The following FCRL5 variants were observed in gnomAD, a reference collection of about 807,000 sequenced individuals.
FCRL5 encodes the protein Fc receptor like 5, also known as Fc receptor-like protein 5.
In FCRL5, 79 loss-of-function variants were observed where a neutral mutation model predicts 92.1. That is an observed-to-expected ratio of 0.86 (90% confidence interval 0.72 to 1.03). The LOEUF (loss-of-function observed/expected upper bound fraction) is 1.03, where lower values mean the gene tolerates loss of function less well. FCRL5 is among the 50% of genes least tolerant of loss of function. The pLI, the probability that FCRL5 is intolerant of heterozygous loss-of-function variation, is 0.00. For missense variants in FCRL5, 1,160 were observed against 1,181.1 expected (o/e 0.98, Z 0.26); for synonymous variants, 466 against 469.3 (o/e 0.99, Z 0.09).
intron 8 of FCRL5, among the ~76,000 whole-genome samples, chr1:157,530,919 A>T (rs531094084): frequency 3.0e-4 from 46 of 152,366 alleles, no homozygotes; most frequent in African/African-American, 1.0e-3. Context: ...TGTTCTTCTA[A>T]AAGACTGGAC....
At chr1:157,549,930 C>T (rs186546359) in intron 1 of FCRL5, among the ~76,000 whole-genome samples, 2 of 151,890 alleles carry the variant, frequency 1.3e-5, no homozygotes, top group Admixed American at 6.6e-5. Flanking sequence ...GGCCACTAGC[C>T]CAGTGTGTAG....
At chr1:157,552,250 C>A (rs1651854302) in intron 1 of FCRL5, 82 bp downstream of exon 1, 2 of 1,385,896 alleles carry the variant, frequency 1.4e-6, no homozygotes, top group South Asian at 1.2e-5. Flanking sequence ...AGGGGCTGAG[C>A]CCCAAGAAAG....
At position 157,545,089 on chromosome 1, in the gene FCRL5, G is replaced by T; in HGVS notation, c.308-7C>A. ...GCTTGCAGGATCAGCGAAGCTATGA[G>T]AAACACAATAGAGTTATTTGGTTCA... On this transcript the variant is annotated splice_region_variant and splice_polypyrimidine_tract_variant and intron_variant, in intron 3 of 16. Transcript: ENST00000361835. 6.2e-7 allele frequency: 1 copy of T among 1,611,566 alleles called. No individual in the cohort carries two copies. The highest frequency in any genetic ancestry group is 8.5e-7 in the Non-Finnish European group (1 of 1,179,882).
rs536094610 is a variant in FCRL5 at position 157,522,991 on chromosome 1, C to G, written c.2239+1288G>C. On this transcript the variant is annotated intron_variant, in intron 10 of 16. Coordinates refer to ENST00000361835, the MANE Select transcript of FCRL5 (RefSeq NM_031281.3). ...TCAGGAAAATTGGATGAGGTTGGTG[C>G]TGCTGGTGGGGGAAGAAGAACGAGC... Among the ~76,000 whole-genome samples, 3 of 152,236 alleles carry G rather than the reference C, an allele frequency of 2.0e-5. No individual in the cohort carries two copies. The East Asian group carries it at 5.8e-4, about 29-fold the overall frequency.
chr1:157,545,820 G>A (rs1382516843), intron 3 of FCRL5, among the ~76,000 whole-genome samples: 2 of 152,148 alleles, frequency 1.3e-5, no homozygotes, highest in Non-Finnish European at 2.9e-5. Flanking sequence ...AAGCCACCGC[G>A]CCTGGCCAGG....
chr1:157,534,190 A>G (rs1020652751), intron 8 of FCRL5: 1 of 460,836 alleles, frequency 2.2e-6, no homozygotes, highest in Non-Finnish European at 4.1e-6. Flanking sequence ...TTTGTTCACC[A>G]GCAGCTTTCT....
At chr1:157,519,437 G>A (rs1043538159) in intron 13 of FCRL5, among the ~76,000 whole-genome samples, 1 of 152,178 alleles carries the variant, frequency 6.6e-6, no homozygotes, top group African/African-American at 2.4e-5. Context: ...CTCAAGATAT[G>A]GAAAGACTTG....
At chr1:157,546,635 T>G (rs1446551494) in intron 3 of FCRL5, among the ~76,000 whole-genome samples, 1 of 152,192 alleles carries the variant, frequency 6.6e-6, no homozygotes, top group Non-Finnish European at 1.5e-5. Flanking sequence ...CATAGGTAGG[T>G]CCTGAGTATC....
intron 6 of FCRL5, chr1:157,541,707 A>T (rs1292621641): frequency 6.6e-6 from 1 of 152,210 alleles, no homozygotes; most frequent in Non-Finnish European, 1.5e-5. Context: ...CCTCAGGTTG[A>T]TGTTTAATCT....
At chr1:157,548,791 G>A (rs1651675446) in intron 2 of FCRL5, among the ~76,000 whole-genome samples, 2 of 152,192 alleles carry the variant, frequency 1.3e-5, no homozygotes, top group Non-Finnish European at 2.9e-5. Context: ...AACAACAGGT[G>A]CTGGAGAGGA....
chr1:157,534,532 G>A (rs1434802772), intron 8 of FCRL5, 82 bp downstream of exon 8: 1 of 1,529,582 alleles, frequency 6.5e-7, no homozygotes, highest in African/African-American at 1.4e-5. Context: ...GAGGAAACTG[G>A]ACAGTGCAAA....
At chr1:157,526,259 A>G (rs1226818754) in intron 9 of FCRL5, among the ~76,000 whole-genome samples, 2 of 152,210 alleles carry the variant, frequency 1.3e-5, no homozygotes, top group Non-Finnish European at 2.9e-5. Context: ...GAGGATTGAA[A>G]AATGGCCATT....
intron 8 of FCRL5, chr1:157,533,445 G>A (rs1311835690): frequency 1.3e-5 from 2 of 152,036 alleles, no homozygotes; most frequent in African/African-American, 4.8e-5. Context: ...CTTCAAATTG[G>A]TATTTCATTT....
intron 6 of FCRL5, among the ~76,000 whole-genome samples, chr1:157,541,646 T>C (rs546976205): frequency 6.6e-6 from 1 of 152,310 alleles, no homozygotes; most frequent in East Asian, 1.9e-4. Flanking sequence ...ACTTCCCAAC[T>C]CAGATTGGCA....
At chr1:157,538,182 A>G (rs1651063269) in intron 7 of FCRL5, among the ~76,000 whole-genome samples, 2 of 152,116 alleles carry the variant, frequency 1.3e-5, no homozygotes, top group South Asian at 2.1e-4. Context: ...TTCTTTTTCT[A>G]CATCATTTGA....
rs1649814395 is a variant in FCRL5, at chr1:157,513,876, G to C, written c.*1799C>G. On this transcript the variant is annotated 3_prime_UTR_variant, in exon 17 of 17. Transcript: ENST00000361835. The stretch of plus-strand genomic sequence containing the variant: ...TAATCCTGAGCCTATGCTTGCTGCT[G>C]TCCTTCTTGACTTTCAACTAGGCCT... The C allele has an allele frequency of 6.6e-6, 1 of 152,214 alleles. No individual in the cohort carries two copies. Among genetic ancestry groups the C allele is most frequent in the Non-Finnish European group, 1.5e-5 (1 of 68,076 alleles). The allele number at this position is 152,214 out of a possible 1,614,324, so 9.4% of individuals were successfully genotyped here. A position where few individuals can be genotyped will look rare whatever the true frequency, so the allele number is the denominator to read the frequency against.
In FCRL5 at chr1:157,521,393, G is replaced by C; in HGVS notation, c.2240-101C>G. ...ATGTAAAAAGTCATATCTCAATCTTGGAAAGTAGATTAAAACATAGATGAT... is the reference window on the plus strand; with the variant it reads ...ATGTAAAAAGTCATATCTCAATCTTCGAAAGTAGATTAAAACATAGATGAT... On this transcript the variant is annotated intron_variant, in intron 10 of 16. Coordinates refer to ENST00000361835, the MANE Select transcript of FCRL5 (RefSeq NM_031281.3). 3 of 1,350,610 alleles carry C rather than the reference G, an allele frequency of 2.2e-6. No homozygotes were observed. The African/African-American group carries it at 4.4e-5, about 20-fold the overall frequency. The allele number at this position is 1,350,610 out of a possible 1,614,324, so 83.7% of individuals were successfully genotyped here. A position where few individuals can be genotyped will look rare whatever the true frequency, so the allele number is the denominator to read the frequency against.
At chr1:157,522,537 G>A (rs920640661) in intron 10 of FCRL5, 1 of 152,214 alleles carries the variant, frequency 6.6e-6, no homozygotes, top group East Asian at 1.9e-4. Context: ...ATAATTAAAT[G>A]AGATGTTGCC....
At chr1:157,548,593 ATTC>A (rs1253613265) in intron 2 of FCRL5, among the ~76,000 whole-genome samples, 1 of 152,226 alleles carries the variant, frequency 6.6e-6, no homozygotes, top group Non-Finnish European at 1.5e-5. Context: ...TACAAGAAAA[ATTC>A]AAACAACCCC....
Sources: gnomAD v4.1 joint callset for allele counts (sites outside exome capture counted in the v4.1 genomes callset) on GRCh38, gnomAD v4.1.1 for gene constraint, MANE v1.5 for transcripts, NCBI Gene and HGNC (gene_info 2026-07-23, HGNC 2026-07-21) for gene names.